Variants in VAV2 observed in about 807,000 individuals in gnomAD.
VAV2 encodes guanine nucleotide exchange factor VAV2.
Under a neutral mutation model 132.5 loss-of-function variants are expected in VAV2, and 67 were observed. The ratio of observed to expected loss-of-function variants is 0.51; its 90% CI spans 0.42 to 0.62. The LOEUF is 0.62. VAV2 is among the 20% of genes least tolerant of loss of function. The pLI is 0.00. For missense variants in VAV2, 938 were observed against 1,153.6 expected, an observed-to-expected ratio of 0.81 and a Z score of 2.71; for synonymous variants, 492 against 443.5, an observed-to-expected ratio of 1.11 and a Z score of -1.37.
At chr9:133,877,221 A>C (rs1838300010) in intron 2 of VAV2, among the ~76,000 whole-genome samples, 1 of 152,158 alleles carries the variant, frequency 6.6e-6, no homozygotes. Context: ...CTCCGCCCTC[A>C]AACAGTTGCC....
At position 133,863,358 on chromosome 9, in the gene VAV2, C is replaced by T. The variant is rs886838456; in HGVS notation, c.322-1926G>A. ...TAAGGAGGCACCAGCATTCGGTCAG[C>T]GCTGACACACAAGAACCTGTTTGTC... On this transcript the variant is annotated intron_variant, in intron 2 of 29. Transcript: ENST00000371850. The surrounding 1 kb of genome is among the most constrained non-coding windows in gnomAD (Gnocchi z 5.0). Among the ~76,000 whole-genome samples, 2 of 152,282 alleles carry T rather than the reference C, an allele frequency of 1.3e-5. No homozygotes were observed. Among genetic ancestry groups the T allele is most frequent in the African/African-American group, 2.4e-5 (1 of 41,570 alleles).
intron 24 of VAV2, 63 bp from the exon 25 acceptor site, chr9:133,775,114 G>C: frequency 7.1e-7 from 1 of 1,398,946 alleles, no homozygotes; most frequent in Non-Finnish European, 9.8e-7. Context: ...GGGGTGCCCA[G>C]CCCTCCGTGC....
chr9:133,927,371 C>A (rs938525024), intron 2 of VAV2, among the ~76,000 whole-genome samples: 1 of 152,216 alleles, frequency 6.6e-6, no homozygotes, highest in Non-Finnish European at 1.5e-5. Context: ...CCTACCTCCA[C>A]TGATGTAGTA....
At chr9:133,938,255 A>T (rs944064607) in intron 2 of VAV2, among the ~76,000 whole-genome samples, 2 of 152,246 alleles carry the variant, frequency 1.3e-5, no homozygotes, top group African/African-American at 4.8e-5. Flanking sequence ...GCCCAACAGC[A>T]GGCGGGGGCC....
intron 2 of VAV2, among the ~76,000 whole-genome samples, chr9:133,933,863 GTGGATGGATGGATGGATGAATGA>G (rs1564477322): frequency 2.4e-5 from 2 of 83,430 alleles, no homozygotes; most frequent in East Asian, 1.0e-3. Flanking sequence ...GGAAGGATGG[GTGGATGGATGGATGGATGAATGA>G]TGGATGGATG....
chr9:133,764,519 T>C (rs1300959158), intron 29 of VAV2, among the ~76,000 whole-genome samples: 1 of 152,192 alleles, frequency 6.6e-6, no homozygotes, highest in Non-Finnish European at 1.5e-5. Context: ...TTAATAACTC[T>C]AATTCATACG....
chr9:133,917,912 G>T (rs533435916), intron 2 of VAV2, among the ~76,000 whole-genome samples: 126 of 150,232 alleles, frequency 8.4e-4, no homozygotes, highest in Non-Finnish European at 1.5e-3. Context: ...CCCCGCCCTG[G>T]TCCCCCCACC....
chr9:133,868,047 T>C (rs1837876514), intron 2 of VAV2, among the ~76,000 whole-genome samples: 1 of 152,226 alleles, frequency 6.6e-6, no homozygotes, highest in Non-Finnish European at 1.5e-5. Context: ...AGACTTGGAG[T>C]GAGAGAGCCA....
At chr9:133,900,356 C>T (rs1236687173) in intron 2 of VAV2, among the ~76,000 whole-genome samples, 1 of 152,162 alleles carries the variant, frequency 6.6e-6, no homozygotes, top group African/African-American at 2.4e-5. Context: ...TCCATTCTCC[C>T]CTGGAGCTGG....
rs375924637 is a variant in VAV2 at position 133,762,209 on chromosome 9, C to G, written c.*1853G>C. The G allele has an allele frequency of 2.0e-5, 3 of 152,472 alleles. No individual in the cohort carries two copies. The highest frequency in any genetic ancestry group is 7.2e-5 in the African/African-American group (3 of 41,424). 9.4% of individuals were successfully genotyped at this position (152,472 alleles called of 1,614,324 possible). On this transcript the variant is annotated 3_prime_UTR_variant, in exon 30 of 30. Coordinates refer to ENST00000371850, the MANE Select transcript of VAV2 (RefSeq NM_001134398.2). The surrounding 1 kb of genome is among the most constrained non-coding windows in gnomAD (Gnocchi z 5.0). ...AATCTCAAAACAAAGAAACACAAAACAAAAAAATTCACAAAAACCAGGGTT... is the reference window on the plus strand; with the variant it reads ...AATCTCAAAACAAAGAAACACAAAAGAAAAAAATTCACAAAAACCAGGGTT...
At chr9:133,962,939 C>A (rs1026281523) in intron 1 of VAV2, among the ~76,000 whole-genome samples, 4 of 152,030 alleles carry the variant, frequency 2.6e-5, no homozygotes, top group African/African-American at 9.7e-5. Flanking sequence ...TCTTCTTTTT[C>A]CAGAGCAAAT....
intron 2 of VAV2, among the ~76,000 whole-genome samples, chr9:133,895,928 CTTTT>C (rs551480342): frequency 1.7e-5 from 2 of 115,220 alleles, no homozygotes; most frequent in Admixed American, 1.7e-4. Flanking sequence ...ACACTAAAAT[CTTTT>C]TTTTTTTTTT....
At position 133,928,204 on chromosome 9, in the gene VAV2, T is replaced by A. The variant is rs1388951141; in HGVS notation, c.321+10899A>T. Among the ~76,000 whole-genome samples, 1 of 152,056 alleles carries A rather than the reference T, an allele frequency of 6.6e-6. No homozygotes were observed. Among genetic ancestry groups the A allele is most frequent in the African/African-American group, 2.4e-5 (1 of 41,400 alleles). On this transcript the variant is annotated intron_variant, in intron 2 of 29. Transcript: ENST00000371850. The surrounding 1 kb of genome is among the most constrained non-coding windows in gnomAD (Gnocchi z 5.4). ...GTGTGTGTGTGCGTGCATGTGTGTA[T>A]GTCTGTGTGTGTGCGTGCATGTGTG...
intron 2 of VAV2, among the ~76,000 whole-genome samples, chr9:133,874,869 G>A (rs3780740): frequency 0.058 from 8,827 of 152,220 alleles, 657 homozygotes; most frequent in African/African-American, 0.18. Flanking sequence ...GGGGCGTGGA[G>A]GCCTCATGGA....
At chr9:133,861,920 C>A (rs1244183125) in intron 2 of VAV2, among the ~76,000 whole-genome samples, 1 of 152,232 alleles carries the variant, frequency 6.6e-6, no homozygotes, top group African/African-American at 2.4e-5. Context: ...AGGGCACCAC[C>A]CACATGCAAA....
At chr9:133,839,453 T>G (rs1836628880) in intron 3 of VAV2, among the ~76,000 whole-genome samples, 1 of 148,614 alleles carries the variant, frequency 6.7e-6, no homozygotes, top group South Asian at 2.1e-4. Context: ...ACGAGGAAGT[T>G]TTTTTTTTTT....
At chr9:133,828,963 T>G (rs115299088) in intron 4 of VAV2, among the ~76,000 whole-genome samples, 1 of 152,182 alleles carries the variant, frequency 6.6e-6, no homozygotes, top group African/African-American at 2.4e-5. Context: ...TCTGAGAAGC[T>G]TTCCTTGCTT....
At chr9:133,891,154 G>A (rs1052833642) in intron 2 of VAV2, among the ~76,000 whole-genome samples, 1 of 149,950 alleles carries the variant, frequency 6.7e-6, no homozygotes, top group Non-Finnish European at 1.5e-5. Context: ...AGGCCCGGGG[G>A]ACAAGGGTGC....
At chr9:133,827,732 C>T (rs868644793) in intron 4 of VAV2, among the ~76,000 whole-genome samples, 1 of 37,154 alleles carries the variant, frequency 2.7e-5, no homozygotes, top group Non-Finnish European at 1.3e-4. Context: ...CCACTGAGCA[C>T]GGGCATCACC....
Sources: allele counts gnomAD v4.1 joint callset (sites outside exome capture counted in the v4.1 genomes callset), GRCh38; gene constraint gnomAD v4.1.1; non-coding constraint Gnocchi (gnomAD v3.1); transcripts MANE v1.5; gene names NCBI Gene and HGNC (gene_info 2026-07-23, HGNC 2026-07-21).